The following MCTP2 variants were observed in gnomAD, a reference collection of about 807,000 sequenced individuals.
The protein encoded by MCTP2 is multiple C2 and transmembrane domain containing 2, also known as multiple C2 and transmembrane domain-containing protein 2.
A neutral mutation model predicts 111.6 loss-of-function variants in MCTP2; 132 were observed. The ratio of observed to expected loss-of-function variants is 1.18; its 90% CI spans 1.03 to 1.37. MCTP2 has a LOEUF of 1.37. MCTP2 is among the 40% of genes most tolerant of loss of function. The pLI, the probability that MCTP2 is intolerant of heterozygous loss-of-function variation, is 0.00. For synonymous variants in MCTP2, 395 were observed against 387.7 expected (o/e 1.02, Z -0.22); for missense variants, 1,183 against 1,067.9 (o/e 1.11, Z -1.50).
rs767493164 is a variant in MCTP2 at position 94,402,536 on chromosome 15, T to C, written c.2085+517T>C. The C allele has an allele frequency of 8.4e-6, 13 of 1,551,782 alleles. No individual in the cohort carries two copies. The South Asian group carries it at 1.5e-4, about 18-fold the overall frequency. On this transcript the variant is annotated intron_variant, in intron 17 of 22. Transcript: ENST00000357742. Reference sequence around the variant, plus strand: ...CTATGAAATGTACCCTTTTCTCTGGTGACATTGGCCCATCCTTATGAGCAT... The same window carrying C: ...CTATGAAATGTACCCTTTTCTCTGGCGACATTGGCCCATCCTTATGAGCAT...
intron 1 of MCTP2, among the ~76,000 whole-genome samples, chr15:94,295,783 C>G (rs1001664443): frequency 6.6e-6 from 1 of 151,922 alleles, no homozygotes; most frequent in Non-Finnish European, 1.5e-5. Context: ...GGCATGGTGG[C>G]GTGTGTCTGT....
chr15:94,356,184 C>T lies in MCTP2; in HGVS notation c.1053C>T (p.Asn351=), dbSNP rs1312983588. The change falls in exon 9 of 23, where the codon AAC becomes AAT. Residue 351 remains asparagine, a synonymous_variant. Coordinates refer to ENST00000357742, the MANE Select transcript of MCTP2 (RefSeq NM_001385001.1). ...GGCTCTCTGAGTCCTTGAAAAAGAACCAACTCTGGAACGGGATTATAAGTA... is the reference window on the plus strand; with the variant it reads ...GGCTCTCTGAGTCCTTGAAAAAGAATCAACTCTGGAACGGGATTATAAGTA... ...NLRLSESLKK[N]QLWNGIISIT... 1 of 1,612,462 alleles carries T rather than the reference C, an allele frequency of 6.2e-7. No individual in the cohort carries two copies. Among genetic ancestry groups the T allele is most frequent in the Non-Finnish European group, 8.5e-7 (1 of 1,179,282 alleles).
chr15:94,449,173 TAAAC>T (rs1357835457), intron 19 of MCTP2, among the ~76,000 whole-genome samples: 12 of 152,192 alleles, frequency 7.9e-5, no homozygotes, highest in African/African-American at 1.2e-4. Context: ...AATAAAGTAT[TAAAC>T]AAGAATAATA....
intron 4 of MCTP2, among the ~76,000 whole-genome samples, chr15:94,322,966 A>T (rs1160078661): frequency 6.6e-6 from 1 of 152,218 alleles, no homozygotes; most frequent in East Asian, 1.9e-4. Context: ...AAGGTCTCAG[A>T]TACCAGAGTT....
intron 1 of MCTP2, among the ~76,000 whole-genome samples, chr15:94,291,525 G>A (rs373686595): frequency 3.3e-5 from 5 of 151,964 alleles, no homozygotes; most frequent in African/African-American, 7.3e-5. Context: ...TGCTTGAACC[G>A]GGGAGGTGGA....
At position 94,339,373 on chromosome 15, in the gene MCTP2, G is replaced by C. The variant is rs575670591; in HGVS notation, c.721G>C (p.Val241Leu). Residue 241 changes from valine (V) to leucine (L), a missense_variant, in exon 5 of 23, where the codon GTA (valine) becomes CTA (leucine). Coordinates refer to ENST00000357742, the MANE Select transcript of MCTP2 (RefSeq NM_001385001.1). Reference protein sequence around the residue: ...SKVIYKNLNPVWDEIVVLPIQ... With the variant: ...SKVIYKNLNPLWDEIVVLPIQ... ...AGTCATATATAAGAACTTGAACCCA[G>C]TATGGGATGAGATAGTTGTATTGCC... 66 of 1,612,492 alleles carry C rather than the reference G, an allele frequency of 4.1e-5. 1 individual carries two copies. In the South Asian group the frequency reaches 7.2e-4, roughly 17 times the overall value.
chr15:94,381,432 T>C (rs2080129930), intron 12 of MCTP2, among the ~76,000 whole-genome samples: 1 of 152,224 alleles, frequency 6.6e-6, no homozygotes, highest in Admixed American at 6.5e-5. Context: ...CTGAAGTTCC[T>C]GGTTTCTGGA....
chr15:94,317,448 C>T (rs56241343), intron 4 of MCTP2, among the ~76,000 whole-genome samples: 78,808 of 151,996 alleles, frequency 0.52, 21,057 homozygotes, highest in East Asian at 0.61. Context: ...TCTCTGCATA[C>T]GCCTGTGCTA....
chr15:94,338,459 T>C (rs1469660134), intron 4 of MCTP2, among the ~76,000 whole-genome samples: 1 of 151,546 alleles, frequency 6.6e-6, no homozygotes, highest in Non-Finnish European at 1.5e-5. Context: ...ACACGCACAA[T>C]ACATAATTCA....
chr15:94,242,198 C>T (rs2071016766), intron 1 of MCTP2, among the ~76,000 whole-genome samples: 1 of 152,096 alleles, frequency 6.6e-6, no homozygotes, highest in South Asian at 2.1e-4. Flanking sequence ...GTTTTGAATT[C>T]AGACAAACCC....
At chr15:94,287,834 T>C (rs2074834474) in intron 1 of MCTP2, among the ~76,000 whole-genome samples, 1 of 152,096 alleles carries the variant, frequency 6.6e-6, no homozygotes, top group Non-Finnish European at 1.5e-5. Flanking sequence ...TTTAATGCAG[T>C]CCCAGATCCA....
At chr15:94,353,767 G>T (rs1170016306) in intron 8 of MCTP2, among the ~76,000 whole-genome samples, 7 of 152,124 alleles carry the variant, frequency 4.6e-5, no homozygotes, top group Non-Finnish European at 5.9e-5. Flanking sequence ...ATTGCAGCAG[G>T]ATATATGAAT....
At chr15:94,337,230 C>T (rs889849006) in intron 4 of MCTP2, among the ~76,000 whole-genome samples, 14 of 152,074 alleles carry the variant, frequency 9.2e-5, no homozygotes, top group Non-Finnish European at 1.3e-4. Flanking sequence ...GCTTTGTAAA[C>T]CCCGGTCCCT....
At chr15:94,472,178 G>T (rs539048089) in intron 21 of MCTP2, among the ~76,000 whole-genome samples, 54 of 152,336 alleles carry the variant, frequency 3.5e-4, no homozygotes, top group Non-Finnish European at 6.9e-4. Flanking sequence ...AGGAGTTCGA[G>T]ACCAGCCTGG....
intron 1 of MCTP2, among the ~76,000 whole-genome samples, chr15:94,254,147 C>T (rs190106551): frequency 1.0e-3 from 157 of 152,266 alleles, no homozygotes; most frequent in Admixed American, 1.6e-3. Context: ...TTCTTATTTC[C>T]TAGCATATTT....
At chr15:94,457,164 A>G (rs569167048) in intron 19 of MCTP2, among the ~76,000 whole-genome samples, 3 of 152,342 alleles carry the variant, frequency 2.0e-5, no homozygotes, top group African/African-American at 7.2e-5. Context: ...GTTTCATACA[A>G]TAGGTGTAAT....
At chr15:94,311,820 G>A (rs750135198) in intron 2 of MCTP2, among the ~76,000 whole-genome samples, 6 of 152,176 alleles carry the variant, frequency 3.9e-5, no homozygotes, top group Non-Finnish European at 8.8e-5. Flanking sequence ...AATGATGGTG[G>A]TTAGGTGGAT....
intron 1 of MCTP2, among the ~76,000 whole-genome samples, chr15:94,295,258 G>A (rs1238840100): frequency 6.7e-6 from 1 of 148,548 alleles, no homozygotes; most frequent in Non-Finnish European, 1.5e-5. Context: ...CCGGGACTGG[G>A]TATTTTTAAA....
chr15:94,370,050 A>T, intron 11 of MCTP2, 37 bp from the exon 12 acceptor site: 1 of 1,453,770 alleles, frequency 6.9e-7, no homozygotes, highest in Non-Finnish European at 9.5e-7. Flanking sequence ...GTATATTAAA[A>T]AGCTGTTTTC....
Sources: gnomAD v4.1 joint callset for allele counts (sites outside exome capture counted in the v4.1 genomes callset) on GRCh38, gnomAD v4.1.1 for gene constraint, MANE v1.5 for transcripts, NCBI Gene and HGNC (gene_info 2026-07-23, HGNC 2026-07-21) for gene names.